The following KCNN2 variants were observed in gnomAD, a reference collection of about 807,000 sequenced individuals.
KCNN2 encodes small conductance calcium-activated potassium channel protein 2.
Under a neutral mutation model 55.5 loss-of-function variants are expected in KCNN2, and 24 were observed. That is an observed-to-expected ratio of 0.43 (90% CI 0.31 to 0.61). The LOEUF (loss-of-function observed/expected upper bound fraction) is 0.61. Among genes scored for constraint, KCNN2 ranks in the 20% least tolerant of loss-of-function variants. KCNN2 has a pLI of 0.08. For synonymous variants in KCNN2, 431 were observed against 336.1 expected, an observed-to-expected ratio of 1.28 and a Z score of -3.09; for missense variants, 754 against 853.6, an observed-to-expected ratio of 0.88 and a Z score of 1.45.
intron 3 of KCNN2, among the ~76,000 whole-genome samples, chr5:114,442,839 G>T (rs1453569700): frequency 6.6e-6 from 1 of 152,140 alleles, no homozygotes; most frequent in Non-Finnish European, 1.5e-5. Flanking sequence ...TTGTGAACTC[G>T]GAGAGATGTG....
chr5:114,305,826 GGAGA>G (rs1472529800), intron 2 of KCNN2, among the ~76,000 whole-genome samples: 7 of 152,204 alleles, frequency 4.6e-5, no homozygotes, highest in Admixed American at 1.3e-4. Flanking sequence ...TCACTGCAAA[GGAGA>G]GATTCTTAAA....
intron 1 of KCNN2, among the ~76,000 whole-genome samples, chr5:114,081,127 A>G (rs543261315): frequency 1.2e-4 from 19 of 152,306 alleles, no homozygotes; most frequent in Non-Finnish European, 2.8e-4. Context: ...AATGAAAGTT[A>G]CAAATTATGG....
rs544541764 is a variant in KCNN2, at chr5:114,158,016, C to T, written c.-270-63464C>T. Among the ~76,000 whole-genome samples, 32 of 152,206 alleles carry T rather than the reference C, an allele frequency of 2.1e-4. No homozygotes were observed. In the South Asian group the frequency reaches 5.0e-3, roughly 24 times the overall value. The stretch of plus-strand genomic sequence containing the variant: ...GAAGCTCTTTAGTTTAATTAGATCC[C>T]ATTTGTCAATTTTGGCTTTCGTTGC... On this transcript the variant is annotated intron_variant, in intron 1 of 10. Transcript: ENST00000512097.
chr5:114,377,104 A>G (rs535850604), intron 2 of KCNN2, among the ~76,000 whole-genome samples: 1 of 152,252 alleles, frequency 6.6e-6, no homozygotes, highest in South Asian at 2.1e-4. Flanking sequence ...AAAATAAATT[A>G]TCTCATTGAC....
At chr5:114,227,992 G>A (rs1754273126) in intron 2 of KCNN2, among the ~76,000 whole-genome samples, 1 of 106,740 alleles carries the variant, frequency 9.4e-6, no homozygotes, top group Admixed American at 9.9e-5. Flanking sequence ...TGATGATGAT[G>A]ACGATGATGA....
intron 5 of KCNN2, among the ~76,000 whole-genome samples, chr5:114,474,938 A>ATGTT (rs1302551300): frequency 2.6e-5 from 4 of 152,110 alleles, no homozygotes; most frequent in African/African-American, 4.8e-5. Flanking sequence ...CCAAGTTAGC[A>ATGTT]TGTTTGGGCA....
At chr5:114,363,288 T>C (rs1757501477) in intron 1 of KCNN2, 27 bp downstream of exon 1, 1 of 1,555,124 alleles carries the variant, frequency 6.4e-7, no homozygotes, top group African/African-American at 1.4e-5. Context: ...CAGCCCACGC[T>C]ACCGGAGTCG....
intron 2 of KCNN2, among the ~76,000 whole-genome samples, chr5:114,326,257 G>T (rs936990308): frequency 6.6e-6 from 1 of 152,130 alleles, no homozygotes; most frequent in African/African-American, 2.4e-5. Context: ...TCAAGTAGCG[G>T]GTACATTTTC....
chr5:114,113,218 G>A (rs1347977459), intron 1 of KCNN2, among the ~76,000 whole-genome samples: 1 of 151,980 alleles, frequency 6.6e-6, no homozygotes. Context: ...ATGAGTTAAA[G>A]TCTCTCTTGC....
chr5:114,467,951 T>G (rs1419608591), intron 4 of KCNN2, among the ~76,000 whole-genome samples: 7 of 152,142 alleles, frequency 4.6e-5, no homozygotes, highest in Non-Finnish European at 1.5e-5. Flanking sequence ...ATGAGGTACT[T>G]CCTTCTTTCT....
At chr5:114,127,393 T>G (rs1202890851) in intron 1 of KCNN2, among the ~76,000 whole-genome samples, 1 of 152,190 alleles carries the variant, frequency 6.6e-6, no homozygotes, top group Non-Finnish European at 1.5e-5. Context: ...TTTGTATACC[T>G]GCAGGCTCAA....
At chr5:114,145,492 A>G (rs1006690817) in intron 1 of KCNN2, among the ~76,000 whole-genome samples, 6 of 152,182 alleles carry the variant, frequency 3.9e-5, no homozygotes, top group Non-Finnish European at 7.3e-5. Flanking sequence ...CAAGTGTCCT[A>G]AAGGAGGGAC....
chr5:114,102,344 T>C (rs2112570833), intron 1 of KCNN2, among the ~76,000 whole-genome samples: 1 of 152,246 alleles, frequency 6.6e-6, no homozygotes, highest in South Asian at 2.1e-4. Context: ...TAGCCCTTTG[T>C]CAGATGGATA....
At chr5:114,169,687 A>G (rs1165981337) in intron 1 of KCNN2, among the ~76,000 whole-genome samples, 1 of 152,010 alleles carries the variant, frequency 6.6e-6, no homozygotes, top group Non-Finnish European at 1.5e-5. Context: ...TTTCATGTGC[A>G]CCCCTTTTGG....
In KCNN2 at chr5:114,057,477, A is replaced by C. The variant is rs368937307; in HGVS notation, c.-271+977A>C. 3.5e-4 allele frequency among the ~76,000 whole-genome samples: 54 copies of C among 152,342 alleles called. No individual in the cohort carries two copies. The East Asian group carries it at 9.6e-3, about 27-fold the overall frequency. On this transcript the variant is annotated intron_variant, in intron 1 of 10. Coordinates refer to the KCNN2 transcript ENST00000512097. Reference sequence around the variant, plus strand: ...CTGAGTCTAGAACAGAGCTCTTCATACATTACATATCTCTGTCACTCACAT... The same window carrying C: ...CTGAGTCTAGAACAGAGCTCTTCATCCATTACATATCTCTGTCACTCACAT...
At chr5:114,152,875 A>T (rs961513361) in intron 1 of KCNN2, among the ~76,000 whole-genome samples, 1 of 152,148 alleles carries the variant, frequency 6.6e-6, no homozygotes, top group Non-Finnish European at 1.5e-5. Flanking sequence ...AAGGTGGCTA[A>T]AGTACAGAGA....
intron 1 of KCNN2, among the ~76,000 whole-genome samples, chr5:114,058,779 A>T (rs111827425): frequency 7.6e-4 from 115 of 152,154 alleles, no homozygotes; most frequent in African/African-American, 2.6e-3. Flanking sequence ...CAGTGAAGAG[A>T]TGTGATTGGG....
chr5:114,104,861 G>A (rs1424072677), intron 1 of KCNN2, among the ~76,000 whole-genome samples: 2 of 151,832 alleles, frequency 1.3e-5, no homozygotes, highest in African/African-American at 4.8e-5. Flanking sequence ...GTTTAGGCAG[G>A]GTTCATTGCA....
intron 1 of KCNN2, among the ~76,000 whole-genome samples, chr5:114,155,442 A>G (rs1026173575): frequency 2.5e-4 from 38 of 152,140 alleles, no homozygotes; most frequent in Non-Finnish European, 4.9e-4. Flanking sequence ...TTCTATTTTT[A>G]GGTCTTTGAG....
Sources: allele counts gnomAD v4.1 joint callset (sites outside exome capture counted in the v4.1 genomes callset), GRCh38; gene constraint gnomAD v4.1.1; transcripts MANE v1.5; gene names NCBI Gene and HGNC (gene_info 2026-07-23, HGNC 2026-07-21).